The following GFRA2 variants were observed in gnomAD, a reference collection of about 807,000 sequenced individuals.
GFRA2 encodes GDNF family receptor alpha-2.
Under a neutral mutation model 48.3 loss-of-function variants are expected in GFRA2, and 17 were observed. That is an observed-to-expected ratio of 0.35 (90% CI 0.24 to 0.53). GFRA2 has a LOEUF of 0.53. GFRA2 is among the 20% of genes least tolerant of loss of function. The pLI, the probability that GFRA2 is intolerant of heterozygous loss-of-function variation, is 0.93. For synonymous variants in GFRA2, 305 were observed against 257.2 expected, an observed-to-expected ratio of 1.19 and a Z score of -1.78; for missense variants, 660 against 637.3, an observed-to-expected ratio of 1.04 and a Z score of -0.38.
intron 4 of GFRA2, among the ~76,000 whole-genome samples, chr8:21,709,426 C>A (rs185317095): frequency 6.6e-6 from 1 of 152,250 alleles, no homozygotes; most frequent in Admixed American, 6.5e-5. Flanking sequence ...TTGATTTCCT[C>A]ATCCATATCC....
intron 3 of GFRA2, among the ~76,000 whole-genome samples, chr8:21,767,475 G>A (rs533175852): frequency 1.3e-5 from 2 of 152,376 alleles, no homozygotes; most frequent in Middle Eastern, 3.4e-3. Flanking sequence ...GGCATGGGTG[G>A]GAGGGGAATG....
At chr8:21,752,224 C>T (rs1805327881) in intron 3 of GFRA2, among the ~76,000 whole-genome samples, 1 of 152,156 alleles carries the variant, frequency 6.6e-6, no homozygotes, top group Non-Finnish European at 1.5e-5. Context: ...TAAGCTACCA[C>T]TCCATTTTTC....
At chr8:21,747,379 T>A (rs1179572526) in intron 4 of GFRA2, among the ~76,000 whole-genome samples, 1 of 152,124 alleles carries the variant, frequency 6.6e-6, no homozygotes, top group East Asian at 1.9e-4. Context: ...TCCCTCCTCC[T>A]CTCTAAGGCT....
chr8:21,736,414 A>G (rs1804466186), intron 4 of GFRA2, among the ~76,000 whole-genome samples: 1 of 152,164 alleles, frequency 6.6e-6, no homozygotes, highest in African/African-American at 2.4e-5. Flanking sequence ...ATTCTCCAAA[A>G]TGTTAGCCAT....
intron 3 of GFRA2, among the ~76,000 whole-genome samples, chr8:21,751,540 G>A (rs1805294788): frequency 6.6e-6 from 1 of 152,228 alleles, no homozygotes; most frequent in African/African-American, 2.4e-5. Flanking sequence ...GCCCAGCACA[G>A]GAACCCGAGT....
At chr8:21,695,739 C>T (rs1016759999) in intron 7 of GFRA2, among the ~76,000 whole-genome samples, 1 of 152,074 alleles carries the variant, frequency 6.6e-6, no homozygotes, top group Non-Finnish European at 1.5e-5. Context: ...TGTGAGGCCA[C>T]GGGGAAGGGT....
intron 3 of GFRA2, among the ~76,000 whole-genome samples, chr8:21,757,982 C>T (rs1345466960): frequency 6.6e-6 from 1 of 152,188 alleles, no homozygotes; most frequent in East Asian, 1.9e-4. Flanking sequence ...ATCTCCCATT[C>T]TAGCAGTGGT....
At chr8:21,751,697 G>A (rs956903873) in intron 3 of GFRA2, among the ~76,000 whole-genome samples, 3 of 152,214 alleles carry the variant, frequency 2.0e-5, no homozygotes, top group Admixed American at 1.3e-4. Context: ...AGGACTTGGG[G>A]TGAGGAGGTA....
chr8:21,786,899 C>T (rs1368164140), intron 1 of GFRA2, among the ~76,000 whole-genome samples: 4 of 152,160 alleles, frequency 2.6e-5, no homozygotes, highest in Middle Eastern at 3.2e-3. Context: ...ATCATGACCC[C>T]GCTGGGCAGC....
At chr8:21,760,240 G>A (rs1805834892) in intron 3 of GFRA2, among the ~76,000 whole-genome samples, 1 of 152,204 alleles carries the variant, frequency 6.6e-6, no homozygotes, top group Non-Finnish European at 1.5e-5. Context: ...GAGCATTAAG[G>A]AGGAAGGCAC....
At chr8:21,759,485 A>AAGGAAGGAAG (rs1805778470) in intron 3 of GFRA2, among the ~76,000 whole-genome samples, 5 of 71,798 alleles carry the variant, frequency 7.0e-5, no homozygotes, top group East Asian at 4.3e-4. Flanking sequence ...AAAGAAGGAA[A>AAGGAAGGAAG]GAAGGAAGGA....
chr8:21,696,220 T>TCC (rs1459887894), intron 7 of GFRA2, among the ~76,000 whole-genome samples: 4 of 145,572 alleles, frequency 2.7e-5, no homozygotes, highest in Non-Finnish European at 6.0e-5. Context: ...CTCTCCTCTG[T>TCC]CCCCTCCCCT....
At chr8:21,724,329 G>A (rs994826409) in intron 4 of GFRA2, among the ~76,000 whole-genome samples, 2 of 152,112 alleles carry the variant, frequency 1.3e-5, no homozygotes, top group South Asian at 2.1e-4. Flanking sequence ...AGACATTGCT[G>A]GGGGGTTGGT....
intron 6 of GFRA2, among the ~76,000 whole-genome samples, chr8:21,703,572 G>A (rs531573953): frequency 6.6e-6 from 1 of 152,240 alleles, no homozygotes; most frequent in African/African-American, 2.4e-5. Flanking sequence ...TCTAAGCCTG[G>A]GCTAGGCGTC....
Position 21,693,037 on chromosome 8 carries a change from C to G in GFRA2, c.*241G>C, listed in dbSNP as rs1801947525. On this transcript the variant is annotated 3_prime_UTR_variant, in exon 9 of 9. Transcript: ENST00000524240. Reference sequence around the variant, plus strand: ...CTAGAGCCTCGTGCCCTCCCCGGCACCAGAGTTTCCCCTGCCAGGGGACCC... The same window carrying G: ...CTAGAGCCTCGTGCCCTCCCCGGCAGCAGAGTTTCCCCTGCCAGGGGACCC... The G allele has an allele frequency of 8.3e-6, 3 of 360,054 alleles. No individual in the cohort carries two copies. The highest frequency in any genetic ancestry group is 1.5e-5 in the Non-Finnish European group (3 of 198,706). 22.3% of individuals were successfully genotyped at this position (360,054 alleles called of 1,614,324 possible).
rs35319026 is a variant in GFRA2 at position 21,726,750 on chromosome 8, A to AT, written c.795-20710dup. Among the ~76,000 whole-genome samples the AT allele has an allele frequency of 9.0e-3, 1,017 of 113,104 alleles. 10 individuals carry two copies. Among genetic ancestry groups the AT allele is most frequent in the African/African-American group, 0.012 (357 of 29,274 alleles). 74.2% of individuals were successfully genotyped at this position (113,104 alleles called of 152,430 possible). On this transcript the variant is annotated intron_variant, in intron 4 of 8. Transcript: ENST00000524240. ...TCTTAATTACATCTGCAAACACCCTATTTTTTTTTTTTTTTTTTTTGAGAC... is the reference window on the plus strand; with the variant it reads ...TCTTAATTACATCTGCAAACACCCTATTTTTTTTTTTTTTTTTTTTTGAGAC...
chr8:21,760,082 C>T (rs1805826288), intron 3 of GFRA2, among the ~76,000 whole-genome samples: 1 of 152,042 alleles, frequency 6.6e-6, no homozygotes, highest in Non-Finnish European at 1.5e-5. Context: ...GAGCTTGGCA[C>T]GTTCCTAATC....
chr8:21,767,092 C>A (rs893475999), intron 3 of GFRA2, among the ~76,000 whole-genome samples: 1 of 125,586 alleles, frequency 8.0e-6, no homozygotes, highest in Non-Finnish European at 1.8e-5. Flanking sequence ...TCACACACAC[C>A]CCACACACAC....
intron 4 of GFRA2, among the ~76,000 whole-genome samples, chr8:21,712,713 C>A (rs1285606104): frequency 6.6e-6 from 1 of 152,228 alleles, no homozygotes; most frequent in Non-Finnish European, 1.5e-5. Context: ...CCAGCCTGGG[C>A]ACCATTGAGC....
Sources: gnomAD v4.1 joint callset for allele counts (sites outside exome capture counted in the v4.1 genomes callset) on GRCh38, gnomAD v4.1.1 for gene constraint, MANE v1.5 for transcripts, NCBI Gene and HGNC (gene_info 2026-07-23, HGNC 2026-07-21) for gene names.